TMEM260: variants seen among roughly 807,000 people sequenced by gnomAD.
The protein encoded by TMEM260 is transmembrane protein 260.
In TMEM260, 82 loss-of-function variants were observed where a neutral mutation model predicts 88.9. The ratio of observed to expected loss-of-function variants is 0.92; its 90% CI spans 0.77 to 1.11. The LOEUF (loss-of-function observed/expected upper bound fraction) is 1.11, where lower values mean the gene tolerates loss of function less well. TMEM260 is among the 50% of genes least tolerant of loss of function. The probability of loss-of-function intolerance (pLI) is 0.00; values close to 1 mark genes in which losing one functional copy is unlikely to be tolerated. For synonymous variants in TMEM260, 314 were observed against 309.3 expected (o/e 1.02, Z -0.16); for missense variants, 902 against 853.4 (o/e 1.06, Z -0.71).
At chr14:56,583,973 G>A (rs1023196032) in intron 1 of TMEM260, among the ~76,000 whole-genome samples, 2 of 149,960 alleles carry the variant, frequency 1.3e-5, no homozygotes, top group Admixed American at 6.7e-5. Flanking sequence ...TTTAGACTAG[G>A]GATGCAATCC....
At chr14:56,641,448 T>C (rs919072545) in intron 15 of TMEM260, among the ~76,000 whole-genome samples, 3 of 152,134 alleles carry the variant, frequency 2.0e-5, no homozygotes, top group African/African-American at 7.2e-5. Flanking sequence ...TAAAATCCTT[T>C]ACAGACAAGC....
intron 9 of TMEM260, 147 bp from the exon 10 acceptor site, chr14:56,618,447 T>G: frequency 2.8e-6 from 2 of 706,198 alleles, no homozygotes; most frequent in South Asian, 2.0e-5. Context: ...TGACCTGGGC[T>G]TGGATTGGGG....
At chr14:56,624,982 G>A (rs1178338656) in intron 11 of TMEM260, among the ~76,000 whole-genome samples, 1 of 152,172 alleles carries the variant, frequency 6.6e-6, no homozygotes, top group African/African-American at 2.4e-5. Context: ...TCTCTCACAT[G>A]TGCAGTTCAC....
intron 2 of TMEM260, 137 bp from the exon 3 acceptor site, chr14:56,585,624 A>T: frequency 1.3e-6 from 1 of 785,356 alleles, no homozygotes; most frequent in Non-Finnish European, 2.0e-6. Flanking sequence ...TACAATAGAA[A>T]ACCACTATTC....
downstream of TMEM260, among the ~76,000 whole-genome samples, chr14:56,653,267 A>T (rs1890237712): frequency 6.6e-6 from 1 of 152,230 alleles, no homozygotes; most frequent in Admixed American, 6.5e-5. Context: ...GTATTGTTTC[A>T]TGGAACCTTC....
At chr14:56,654,831 AAAAAAAAAAAAT>A (rs1890272425), downstream of TMEM260, among the ~76,000 whole-genome samples, 1 of 150,582 alleles carries the variant, frequency 6.6e-6, no homozygotes, top group Non-Finnish European at 1.5e-5. Flanking sequence ...AAAAAAAAAA[AAAAAAAAAAAAT>A]GTTAAATGTC....
At chr14:56,586,284 T>C (rs922691910) in intron 3 of TMEM260, among the ~76,000 whole-genome samples, 35 of 152,282 alleles carry the variant, frequency 2.3e-4, no homozygotes, top group African/African-American at 8.2e-4. Context: ...AGCAGCTGCC[T>C]ATCAGGTCCA....
intron 11 of TMEM260, among the ~76,000 whole-genome samples, chr14:56,623,927 A>C (rs1367170152): frequency 3.9e-5 from 6 of 152,216 alleles, no homozygotes; most frequent in Admixed American, 3.9e-4. Flanking sequence ...TCTCTTCTTT[A>C]AAAAGAGGGA....
intron 3 of TMEM260, among the ~76,000 whole-genome samples, chr14:56,596,381 A>AGTGTGTGTGT (rs376857460): frequency 0.027 from 3,352 of 126,456 alleles, 73 homozygotes; most frequent in East Asian, 0.09. Flanking sequence ...TATATGTGAG[A>AGTGTGTGTGT]GTGTGTGTGT....
rs567821312 is a variant in TMEM260 at position 56,619,693 on chromosome 14, G to C, written c.1226+930G>C. Among the ~76,000 whole-genome samples the C allele has an allele frequency of 6.6e-5, 10 of 152,192 alleles. No individual in the cohort carries two copies. The South Asian group carries it at 2.1e-3, about 32-fold the overall frequency. On this transcript the variant is annotated intron_variant, in intron 10 of 15. Coordinates refer to ENST00000261556, the MANE Select transcript of TMEM260 (RefSeq NM_017799.4). The stretch of plus-strand genomic sequence containing the variant: ...CTTGGAATTTTGCTATAGTGAGATT[G>C]GACTGGTATTATTTTAAAGGATTAC...
At chr14:56,653,736 C>CAAAAAAAAAAAACA (rs10522889), downstream of TMEM260, among the ~76,000 whole-genome samples, 13 of 66,564 alleles carry the variant, frequency 2.0e-4, no homozygotes, top group Non-Finnish European at 2.7e-4. Flanking sequence ...CTCTTGTCTC[C>CAAAAAAAAAAAACA]AAAACAAAAA....
rs1890090997 is a variant in TMEM260 at position 56,648,281 on chromosome 14, G to A, written c.*784G>A. On this transcript the variant is annotated 3_prime_UTR_variant, in exon 16 of 16. Transcript: ENST00000261556. ...AAAGGCAGGGATTGGGGGGGATGGG[G>A]AAGTGGCCCAATAAATTCATTTCTG... 6.6e-6 allele frequency: 1 copy of A among 152,124 alleles called. No individual in the cohort carries two copies. Among genetic ancestry groups the A allele is most frequent in the African/African-American group, 2.4e-5 (1 of 41,416 alleles). 9.4% of individuals were successfully genotyped at this position (152,124 alleles called of 1,614,324 possible).
intron 9 of TMEM260, among the ~76,000 whole-genome samples, chr14:56,617,530 A>C (rs2139589148): frequency 6.6e-6 from 1 of 152,318 alleles, no homozygotes; most frequent in South Asian, 2.1e-4. Context: ...TGTAAAGTAG[A>C]TTTAAGTCAT....
At chr14:56,660,795 G>GTCTCT in the TMEM260 span, among the ~76,000 whole-genome samples, 1 of 151,472 alleles carries the variant, frequency 6.6e-6, no homozygotes, top group East Asian at 1.9e-4. Flanking sequence ...TCTCTGTCTC[G>GTCTCT]CTCTCTCTTC....
chr14:56,584,337 C>T (rs563586399), intron 1 of TMEM260, among the ~76,000 whole-genome samples: 17 of 151,932 alleles, frequency 1.1e-4, no homozygotes, highest in South Asian at 2.1e-4. Context: ...GCTCTGAATA[C>T]GTAAAAGGTT....
chr14:56,620,133 A>G (rs1887825553), intron 10 of TMEM260, among the ~76,000 whole-genome samples: 1 of 152,164 alleles, frequency 6.6e-6, no homozygotes, highest in Non-Finnish European at 1.5e-5. Context: ...ACTGGGGCCT[A>G]CTTGAGAGTG....
At chr14:56,635,079 G>GT in intron 14 of TMEM260, 127 bp downstream of exon 14, 1 of 790,176 alleles carries the variant, frequency 1.3e-6, no homozygotes, top group South Asian at 1.6e-5. Context: ...GAGCAATTAT[G>GT]TTTTTGAGGC....
At chr14:56,593,013 A>G (rs559550975) in intron 3 of TMEM260, 1 of 152,388 alleles carries the variant, frequency 6.6e-6, no homozygotes, top group African/African-American at 2.4e-5. Context: ...TACACATGAA[A>G]ATCAAATACT....
intron 6 of TMEM260, among the ~76,000 whole-genome samples, chr14:56,611,494 C>T (rs1874853569): frequency 6.6e-6 from 1 of 152,046 alleles, no homozygotes; most frequent in South Asian, 2.1e-4. Context: ...CAATGAAATA[C>T]CATCTCACAC....
Sources: gnomAD v4.1 joint callset for allele counts (sites outside exome capture counted in the v4.1 genomes callset) on GRCh38, gnomAD v4.1.1 for gene constraint, MANE v1.5 for transcripts, NCBI Gene and HGNC (gene_info 2026-07-23, HGNC 2026-07-21) for gene names.